Variants in ARL15 observed in about 807,000 individuals in gnomAD.
ARL15 encodes the protein ARF like GTPase 15, also known as ADP-ribosylation factor-like protein 15.
Under a neutral mutation model 25.2 loss-of-function variants are expected in ARL15, and 19 were observed. The ratio of observed to expected loss-of-function variants is 0.75; its 90% CI spans 0.53 to 1.10. The LOEUF is 1.10. Ranked by LOEUF, ARL15 falls within the 50% of genes least tolerant of loss-of-function variation. ARL15 has a pLI of 0.00. For missense variants in ARL15, 220 were observed against 246.0 expected, an observed-to-expected ratio of 0.89 and a Z score of 0.71; for synonymous variants, 94 against 86.8, an observed-to-expected ratio of 1.08 and a Z score of -0.46.
rs796635483 is a variant in ARL15, at chr5:54,093,969, C to T, written c.462+19233G>A. 3.3e-5 allele frequency among the ~76,000 whole-genome samples: 5 copies of T among 152,250 alleles called. No individual in the cohort carries two copies. The East Asian group carries it at 5.8e-4, about 18-fold the overall frequency. ...ACATTCTTAAGTGCAGATGTGTTTT[C>T]AGTGTGGTCTCAGAGTGAAGGTTTC... On this transcript the variant is annotated intron_variant, in intron 4 of 4. Transcript: ENST00000504924.
intron 4 of ARL15, among the ~76,000 whole-genome samples, chr5:54,098,276 C>G (rs140230848): frequency 6.6e-6 from 1 of 152,078 alleles, no homozygotes; most frequent in African/African-American, 2.4e-5. Flanking sequence ...TAACGACAAC[C>G]CTGCTGTTGG....
At chr5:54,070,166 G>A (rs1483177095) in intron 4 of ARL15, among the ~76,000 whole-genome samples, 1 of 150,746 alleles carries the variant, frequency 6.6e-6, no homozygotes, top group African/African-American at 2.4e-5. Flanking sequence ...CGAGGCGGGT[G>A]GATCACCTGA....
chr5:53,936,932 T>A (rs1746365382), intron 4 of ARL15, among the ~76,000 whole-genome samples: 1 of 152,106 alleles, frequency 6.6e-6, no homozygotes, highest in South Asian at 2.1e-4. Context: ...GCTAATCAAA[T>A]CCAAACCAAA....
At chr5:54,223,589 C>T (rs549765758) in intron 1 of ARL15, among the ~76,000 whole-genome samples, 1 of 152,206 alleles carries the variant, frequency 6.6e-6, no homozygotes, top group African/African-American at 2.4e-5. Flanking sequence ...TCACAGATAA[C>T]CTTGGTAACA....
chr5:53,895,976 A>G (rs1230974409), intron 4 of ARL15, among the ~76,000 whole-genome samples: 1 of 152,220 alleles, frequency 6.6e-6, no homozygotes, highest in African/African-American at 2.4e-5. Context: ...TCTATGTGTA[A>G]CATATACTTT....
At chr5:54,079,360 T>A (rs540463193) in intron 4 of ARL15, among the ~76,000 whole-genome samples, 1 of 152,300 alleles carries the variant, frequency 6.6e-6, no homozygotes, top group South Asian at 2.1e-4. Flanking sequence ...TAACCATGGA[T>A]CTTAACAGAA....
At chr5:53,958,254 C>T (rs892061011) in intron 4 of ARL15, among the ~76,000 whole-genome samples, 1 of 150,834 alleles carries the variant, frequency 6.6e-6, no homozygotes, top group African/African-American at 2.4e-5. Context: ...TTAATGGGCA[C>T]AAAATATATA....
At chr5:53,996,157 T>G (rs1344817495) in intron 4 of ARL15, among the ~76,000 whole-genome samples, 3 of 152,160 alleles carry the variant, frequency 2.0e-5, no homozygotes, top group African/African-American at 4.8e-5. Flanking sequence ...TTCTTAAACT[T>G]TTAGTTAAAC....
chr5:53,918,722 G>A (rs1745739547), intron 4 of ARL15, among the ~76,000 whole-genome samples: 1 of 151,934 alleles, frequency 6.6e-6, no homozygotes, highest in South Asian at 2.1e-4. Flanking sequence ...TTAAGATAAT[G>A]CCACACAGAC....
chr5:53,993,617 T>C (rs1277818955), intron 4 of ARL15, among the ~76,000 whole-genome samples: 1 of 152,212 alleles, frequency 6.6e-6, no homozygotes, highest in African/African-American at 2.4e-5. Context: ...ATATTGCTTT[T>C]GCCCTGGGGT....
intron 4 of ARL15, among the ~76,000 whole-genome samples, chr5:53,959,474 A>G (rs886201364): frequency 1.3e-5 from 2 of 152,160 alleles, no homozygotes; most frequent in African/African-American, 4.8e-5. Context: ...CAATATATCT[A>G]TATTAAGAAA....
At chr5:53,990,770 G>C (rs975009667) in intron 4 of ARL15, among the ~76,000 whole-genome samples, 1 of 152,094 alleles carries the variant, frequency 6.6e-6, no homozygotes, top group Admixed American at 6.5e-5. Context: ...TCATATCACA[G>C]GGAACCCTCT....
intron 3 of ARL15, among the ~76,000 whole-genome samples, chr5:54,120,432 C>T (rs1753035927): frequency 6.6e-6 from 1 of 152,188 alleles, no homozygotes; most frequent in South Asian, 2.1e-4. Context: ...GTACATTAAC[C>T]TATGTTCCTT....
At chr5:54,147,687 G>C (rs1302318213) in intron 3 of ARL15, among the ~76,000 whole-genome samples, 1 of 152,066 alleles carries the variant, frequency 6.6e-6, no homozygotes, top group Admixed American at 6.6e-5. Context: ...CCCTCCCATG[G>C]ACACCTATGT....
intron 4 of ARL15, among the ~76,000 whole-genome samples, chr5:53,897,661 C>T (rs1423269052): frequency 6.6e-6 from 1 of 152,182 alleles, no homozygotes; most frequent in African/African-American, 2.4e-5. Context: ...GATCTATTAA[C>T]ATGACTGTAT....
chr5:54,174,966 A>G (rs148469952), intron 1 of ARL15, among the ~76,000 whole-genome samples: 54 of 152,334 alleles, frequency 3.5e-4, no homozygotes, highest in African/African-American at 1.3e-3. Context: ...TTCCTGCCCT[A>G]GAGGCCTTCA....
chr5:54,261,369 G>A lies in ARL15; in HGVS notation c.48+49063C>T, dbSNP rs146694828. Among the ~76,000 whole-genome samples, 1,299 of 152,144 alleles carry A rather than the reference G, an allele frequency of 8.5e-3. 29 individuals carry two copies. Among genetic ancestry groups the A allele is most frequent in the African/African-American group, 0.03 (1,232 of 41,504 alleles). ...GGATTTTTGATAAGGTATCTCACCC[G>A]GCTCAAATATATTAAGCTAACTCAG... On this transcript the variant is annotated intron_variant, in intron 1 of 4. Transcript: ENST00000504924.
At chr5:53,905,243 G>C (rs928749321) in intron 4 of ARL15, among the ~76,000 whole-genome samples, 20 of 152,052 alleles carry the variant, frequency 1.3e-4, no homozygotes, top group Non-Finnish European at 2.6e-4. Context: ...CAATACTAGT[G>C]TCTATCACCT....
chr5:54,249,645 AAGG>A (rs1757187907), intron 1 of ARL15, among the ~76,000 whole-genome samples: 1 of 150,906 alleles, frequency 6.6e-6, no homozygotes, highest in Non-Finnish European at 1.5e-5. Flanking sequence ...GAGAGTAAGA[AAGG>A]AGAAGTGTGG....
Sources: gnomAD v4.1 joint callset for allele counts (sites outside exome capture counted in the v4.1 genomes callset) on GRCh38, gnomAD v4.1.1 for gene constraint, MANE v1.5 for transcripts, NCBI Gene and HGNC (gene_info 2026-07-23, HGNC 2026-07-21) for gene names.